The following ARNT2 variants were observed in gnomAD, a reference collection of about 807,000 sequenced individuals.
ARNT2 encodes ARNT protein 2.
Under a neutral mutation model 91.7 loss-of-function variants are expected in ARNT2, and 36 were observed. The ratio of observed to expected loss-of-function variants is 0.39; its 90% CI spans 0.30 to 0.52. The LOEUF (loss-of-function observed/expected upper bound fraction) is 0.52, where lower values mean the gene tolerates loss of function less well. ARNT2 is among the 20% of genes least tolerant of loss of function. The pLI is 0.72. For synonymous variants in ARNT2, 365 were observed against 347.1 expected (o/e 1.05, Z -0.57); for missense variants, 775 against 939.3 (o/e 0.83, Z 2.29).
At chr15:80,460,997 A>G (rs1896544261) in intron 3 of ARNT2, among the ~76,000 whole-genome samples, 1 of 152,152 alleles carries the variant, frequency 6.6e-6, no homozygotes, top group Non-Finnish European at 1.5e-5. Context: ...TCAGAAGTGG[A>G]GGGATTAATT....
At chr15:80,469,868 G>T (rs761343748) in intron 3 of ARNT2, among the ~76,000 whole-genome samples, 1 of 152,192 alleles carries the variant, frequency 6.6e-6, no homozygotes, top group Non-Finnish European at 1.5e-5. Flanking sequence ...GCACACCTTG[G>T]CCTCCCAAAG....
At chr15:80,529,814 TC>T (rs1437267297) in intron 8 of ARNT2, among the ~76,000 whole-genome samples, 3 of 152,338 alleles carry the variant, frequency 2.0e-5, no homozygotes, top group Admixed American at 2.0e-4. Context: ...TATCCTTTGC[TC>T]CAAAATCTTG....
intron 8 of ARNT2, among the ~76,000 whole-genome samples, chr15:80,549,023 A>G (rs550715001): frequency 1.3e-5 from 2 of 152,282 alleles, no homozygotes; most frequent in East Asian, 3.9e-4. Context: ...TTAAAATAGT[A>G]TGGTACTAGT....
At chr15:80,444,827 G>A (rs1790442622) in intron 1 of ARNT2, 1 of 151,740 alleles carries the variant, frequency 6.6e-6, no homozygotes, top group Non-Finnish European at 1.5e-5. Flanking sequence ...TGTGTGGTGT[G>A]TGTGTGAATG....
In ARNT2 at chr15:80,563,022, T is replaced by G. The variant is rs906883678; in HGVS notation, c.1165-66T>G. ...CTGCCGCAACCCCACTGCCTGCAGC[T>G]TCTCCCTCCTCCCGTTTGGCACCAT... On this transcript the variant is annotated intron_variant, in intron 11 of 18. Coordinates refer to ENST00000303329, the MANE Select transcript of ARNT2 (RefSeq NM_014862.4). The G allele has an allele frequency of 8.8e-6, 14 of 1,584,608 alleles. No homozygotes were observed. In the Admixed American group the frequency reaches 2.3e-4, roughly 26 times the overall value.
At chr15:80,533,486 G>T (rs1897774091) in intron 8 of ARNT2, among the ~76,000 whole-genome samples, 1 of 152,124 alleles carries the variant, frequency 6.6e-6, no homozygotes, top group Admixed American at 6.5e-5. Context: ...TGGAGTAATG[G>T]TGTAGCCCCA....
intron 5 of ARNT2, among the ~76,000 whole-genome samples, chr15:80,478,875 G>T (rs1896845606): frequency 6.6e-6 from 1 of 152,174 alleles, no homozygotes; most frequent in Non-Finnish European, 1.5e-5. Flanking sequence ...TCAATTATTG[G>T]ACTAGAGTCT....
intron 1 of ARNT2, among the ~76,000 whole-genome samples, chr15:80,450,334 C>T (rs1159787352): frequency 6.6e-6 from 1 of 152,198 alleles, no homozygotes; most frequent in Non-Finnish European, 1.5e-5. Context: ...TCACTGTCTT[C>T]GTCAATAACA....
intron 14 of ARNT2, among the ~76,000 whole-genome samples, chr15:80,575,453 C>T (rs1186348972): frequency 1.3e-5 from 2 of 152,148 alleles, no homozygotes; most frequent in East Asian, 3.9e-4. Context: ...CCTCGATGAC[C>T]GAAGGAGGGA....
chr15:80,511,987 G>A (rs1257543031), intron 6 of ARNT2, among the ~76,000 whole-genome samples: 1 of 152,176 alleles, frequency 6.6e-6, no homozygotes, highest in Non-Finnish European at 1.5e-5. Flanking sequence ...GCACGTAGCA[G>A]CACAATGGAA....
intron 8 of ARNT2, among the ~76,000 whole-genome samples, chr15:80,525,091 T>A (rs544092855): frequency 4.0e-4 from 61 of 152,310 alleles, no homozygotes; most frequent in Middle Eastern, 3.4e-3. Flanking sequence ...ATTTTCCAAA[T>A]TTTTGCATGA....
intron 5 of ARNT2, among the ~76,000 whole-genome samples, chr15:80,486,619 C>T (rs1896978177): frequency 1.3e-5 from 2 of 152,186 alleles, no homozygotes; most frequent in Non-Finnish European, 2.9e-5. Context: ...GCCACAAAAT[C>T]CACTGCTTCC....
At chr15:80,536,117 G>A (rs186306053) in intron 8 of ARNT2, among the ~76,000 whole-genome samples, 10 of 152,274 alleles carry the variant, frequency 6.6e-5, no homozygotes, top group African/African-American at 1.9e-4. Context: ...CCCGAGGTTC[G>A]TTGCCTCATG....
At chr15:80,405,197 C>T (rs1466806234) in intron 1 of ARNT2, among the ~76,000 whole-genome samples, 2 of 152,194 alleles carry the variant, frequency 1.3e-5, no homozygotes, top group Admixed American at 1.3e-4. Context: ...GACAACTGAG[C>T]TCATTAGGAA....
rs764692932 is a variant in ARNT2 at position 80,574,175 on chromosome 15, G to T, written c.1344G>T (p.Leu448Phe). The T allele has an allele frequency of 8.1e-6, 13 of 1,614,214 alleles. No homozygotes were observed. In the South Asian group the frequency reaches 1.2e-4, roughly 15 times the overall value. Reference sequence around the variant, plus strand: ...AACTTCAGCAACAGCAGGCAGAATTGGAAGTGCACCAGAGAGATGGATTGT... The same window carrying T: ...AACTTCAGCAACAGCAGGCAGAATTTGAAGTGCACCAGAGAGATGGATTGT... ...VKQLQQQQAE[L>F]EVHQRDGLSS... Residue 448 changes from leucine (L) to phenylalanine (F), a missense_variant, in exon 13 of 19, where the codon TTG becomes TTT. By Grantham distance (22) the Leu-to-Phe change is conservative. Transcript: ENST00000303329.
rs1345133386 is a variant in ARNT2 at position 80,597,125 on chromosome 15, T to C, written c.*3427T>C. 7 of 518,542 alleles carry C rather than the reference T, an allele frequency of 1.3e-5. No homozygotes were observed. Among genetic ancestry groups the C allele is most frequent in the Non-Finnish European group, 2.3e-5 (6 of 259,772 alleles). 32.1% of individuals were successfully genotyped at this position (518,542 alleles called of 1,614,324 possible). On this transcript the variant is annotated 3_prime_UTR_variant, in exon 19 of 19. Coordinates refer to ENST00000303329, the MANE Select transcript of ARNT2 (RefSeq NM_014862.4). ...CCGTGTCAACAATGTGACTACATGTTCTCCAGATTAGCCACACATGCAAAC... is the reference window on the plus strand; with the variant it reads ...CCGTGTCAACAATGTGACTACATGTCCTCCAGATTAGCCACACATGCAAAC...
chr15:80,555,415 A>G, intron 11 of ARNT2: 1 of 407,118 alleles, frequency 2.5e-6, no homozygotes, highest in Non-Finnish European at 4.5e-6. Context: ...CATGGGGAAG[A>G]GGCAGGAATT....
rs376561626 is a variant in ARNT2, at chr15:80,508,114, C to T, written c.623-42C>T. 4.3e-4 allele frequency: 680 copies of T among 1,599,228 alleles called. 4 individuals carry two copies. The highest frequency in any genetic ancestry group is 3.6e-3 in the South Asian group (323 of 90,608). On this transcript the variant is annotated intron_variant, in intron 5 of 18. Transcript: ENST00000303329. ...CGAACTCCCTCCTCCATCTCCCAAC[C>T]GAAGGCAGAGGCTTACGTAACTGTC...
rs115109326 is a variant in ARNT2, at chr15:80,532,721, G to A, written c.877+18316G>A. ...ATTTGCCTTTCATAACTGTCCTACT[G>A]TCATTATTCTTATTTAGATGAGCTG... On this transcript the variant is annotated intron_variant, in intron 8 of 18. Coordinates refer to ENST00000303329, the MANE Select transcript of ARNT2 (RefSeq NM_014862.4). Among the ~76,000 whole-genome samples the A allele has an allele frequency of 6.6e-3, 1,008 of 152,300 alleles. 13 individuals are homozygous for A. Among genetic ancestry groups the A allele is most frequent in the African/African-American group, 0.023 (968 of 41,558 alleles).
Sources: gnomAD v4.1 joint callset for allele counts (sites outside exome capture counted in the v4.1 genomes callset) on GRCh38, gnomAD v4.1.1 for gene constraint, MANE v1.5 for transcripts, NCBI Gene and HGNC (gene_info 2026-07-23, HGNC 2026-07-21) for gene names.